DNAH6: variants seen among roughly 807,000 people sequenced by gnomAD.
DNAH6 encodes axonemal beta dynein heavy chain 6.
Under a neutral mutation model 491.4 loss-of-function variants are expected in DNAH6, and 340 were observed. The observed-to-expected ratio is 0.69, with a 90% CI of 0.63 to 0.76. The LOEUF is 0.76. DNAH6 is among the 30% of genes least tolerant of loss of function. DNAH6 has a pLI of 0.00. For synonymous variants in DNAH6, 1,603 were observed against 1,686.1 expected, an observed-to-expected ratio of 0.95 and a Z score of 1.21; for missense variants, 4,443 against 4,972.2, an observed-to-expected ratio of 0.89 and a Z score of 3.20.
chr2:84,610,108 G>C (rs1002214665), intron 21 of DNAH6, among the ~76,000 whole-genome samples: 3 of 152,016 alleles, frequency 2.0e-5, no homozygotes, highest in African/African-American at 7.2e-5. Context: ...GCTCACTCCA[G>C]TTGTTGGCAG....
intron 4 of DNAH6, 60 bp downstream of exon 4, chr2:84,529,226 A>G: frequency 8.2e-7 from 1 of 1,220,788 alleles, no homozygotes; most frequent in Non-Finnish European, 1.1e-6. Context: ...TTCACATATT[A>G]TTTATAATTG....
the DNAH6 span, among the ~76,000 whole-genome samples, chr2:84,490,503 A>G: frequency 6.6e-6 from 1 of 152,004 alleles, no homozygotes; most frequent in Admixed American, 6.6e-5. Flanking sequence ...GTAATCACTG[A>G]CCTATTTTCT....
chr2:84,477,168 C>T, the DNAH6 span, among the ~76,000 whole-genome samples: 1 of 152,214 alleles, frequency 6.6e-6, no homozygotes, highest in South Asian at 2.1e-4. Flanking sequence ...GGAGCCCATG[C>T]TATTTATTGG....
the DNAH6 span, among the ~76,000 whole-genome samples, chr2:84,497,736 A>G: frequency 1.3e-5 from 2 of 152,260 alleles, no homozygotes; most frequent in Non-Finnish European, 2.9e-5. Flanking sequence ...ATGAGTAGGC[A>G]TACTGTAATT....
At chr2:84,703,621 T>G (rs1042303045) in intron 50 of DNAH6, 59 bp downstream of exon 50, 14 of 1,350,658 alleles carry the variant, frequency 1.0e-5, no homozygotes, top group Admixed American at 6.0e-5. Flanking sequence ...ATCACTTATA[T>G]ATAATGAGAC....
the DNAH6 span, among the ~76,000 whole-genome samples, chr2:84,461,879 G>T: frequency 2.6e-5 from 4 of 152,148 alleles, no homozygotes; most frequent in Admixed American, 6.5e-5. Context: ...TCTGAAGTTT[G>T]ATAGGAAGTG....
Position 84,605,589 on chromosome 2 carries a change from A to G in DNAH6, c.3171A>G (p.Ile1057Met), listed in dbSNP as rs1553441054. ...TTATACTGGGCGGCACAGATGACATACAGGTGGGTAACTGGGTTATTGAAA... is the reference window on the plus strand; with the variant it reads ...TTATACTGGGCGGCACAGATGACATGCAGGTGGGTAACTGGGTTATTGAAA... ...DVFILGGTDD[I>M]QVLLDDSTIN... Residue 1057 changes from isoleucine (I) to methionine (M), a missense_variant, in exon 20 of 77, where the codon ATA (isoleucine) becomes ATG (methionine). Transcript: ENST00000389394. 6.5e-7 allele frequency: 1 copy of G among 1,548,318 alleles called. No homozygotes were observed. The highest frequency in any genetic ancestry group is 1.2e-5 in the South Asian group (1 of 83,856).
the DNAH6 span, among the ~76,000 whole-genome samples, chr2:84,505,566 T>A: frequency 6.6e-6 from 1 of 152,178 alleles, no homozygotes; most frequent in Non-Finnish European, 1.5e-5. Flanking sequence ...AAGTTCTTTT[T>A]TTATTATTAT....
chr2:84,550,193 T>C, intron 9 of DNAH6, 136 bp downstream of exon 9: 1 of 701,808 alleles, frequency 1.4e-6, no homozygotes, highest in Non-Finnish European at 2.2e-6. Flanking sequence ...CCCCAACATT[T>C]TGGACACCAG....
intron 29 of DNAH6, among the ~76,000 whole-genome samples, chr2:84,625,877 T>G (rs140688216): frequency 6.6e-6 from 1 of 152,222 alleles, no homozygotes; most frequent in South Asian, 2.1e-4. Flanking sequence ...CACACAGATA[T>G]GGACTCTGAA....
chr2:84,561,085 A>T (rs1485408466), intron 11 of DNAH6, among the ~76,000 whole-genome samples: 1 of 151,896 alleles, frequency 6.6e-6, no homozygotes, highest in African/African-American at 2.4e-5. Context: ...AACAGTGTAA[A>T]AGTGTTCCTA....
intron 65 of DNAH6, among the ~76,000 whole-genome samples, chr2:84,782,768 G>A (rs1170190480): frequency 6.6e-6 from 1 of 152,160 alleles, no homozygotes; most frequent in Admixed American, 6.5e-5. Flanking sequence ...GAGGTCTTCA[G>A]TACTGGTCAG....
At chr2:84,465,422 G>C in the DNAH6 span, among the ~76,000 whole-genome samples, 1 of 152,126 alleles carries the variant, frequency 6.6e-6, no homozygotes, top group Non-Finnish European at 1.5e-5. Flanking sequence ...GTGAACCCGG[G>C]AGGCGGAGCT....
At chr2:84,577,015 CTTCAT>C (rs1484981979) in intron 12 of DNAH6, among the ~76,000 whole-genome samples, 4 of 152,142 alleles carry the variant, frequency 2.6e-5, no homozygotes, top group Non-Finnish European at 5.9e-5. Flanking sequence ...TCTGTCATCT[CTTCAT>C]AGGAGCCAGA....
At chr2:84,602,249 T>C (rs1175772914) in intron 18 of DNAH6, among the ~76,000 whole-genome samples, 1 of 152,064 alleles carries the variant, frequency 6.6e-6, no homozygotes, top group Non-Finnish European at 1.5e-5. Context: ...TATCCTTTAA[T>C]ATTTCTTATA....
chr2:84,722,937 A>G, intron 60 of DNAH6, 133 bp downstream of exon 60: 2 of 589,832 alleles, frequency 3.4e-6, no homozygotes, highest in Non-Finnish European at 5.5e-6. Context: ...AAGGTTCAAG[A>G]GTGGTTCCAG....
At chr2:84,817,888 C>G (rs1178573566) in intron 76 of DNAH6, among the ~76,000 whole-genome samples, 1 of 152,134 alleles carries the variant, frequency 6.6e-6, no homozygotes, top group African/African-American at 2.4e-5. Flanking sequence ...AGTGACAGCT[C>G]ACCCCCCATT....
At chr2:84,471,555 C>A in the DNAH6 span, among the ~76,000 whole-genome samples, 1,681 of 152,170 alleles carry the variant, frequency 0.011, 30 homozygotes, top group African/African-American at 0.039. Flanking sequence ...AAGCATTGGT[C>A]CATTAAGCAT....
At chr2:84,765,606 A>G (rs914676234) in intron 64 of DNAH6, among the ~76,000 whole-genome samples, 2 of 152,094 alleles carry the variant, frequency 1.3e-5, no homozygotes, top group African/African-American at 4.8e-5. Context: ...TTTCCAAACA[A>G]GCAGAGGAGA....
Sources: allele counts gnomAD v4.1 joint callset (sites outside exome capture counted in the v4.1 genomes callset), GRCh38; gene constraint gnomAD v4.1.1; transcripts MANE v1.5; gene names NCBI Gene and HGNC (gene_info 2026-07-23, HGNC 2026-07-21).